RNGTT: variants seen among roughly 807,000 people sequenced by gnomAD.
The protein encoded by RNGTT is RNA guanylyltransferase and 5'-phosphatase.
A neutral mutation model predicts 79.3 loss-of-function variants in RNGTT; 33 were observed. The observed-to-expected ratio is 0.42, with a 90% CI of 0.32 to 0.56. The LOEUF (loss-of-function observed/expected upper bound fraction) is 0.56, where lower values mean the gene tolerates loss of function less well. Among genes scored for constraint, RNGTT ranks in the 20% least tolerant of loss-of-function variants. RNGTT has a pLI of 0.17. For missense variants in RNGTT, 497 were observed against 739.1 expected, an observed-to-expected ratio of 0.67 and a Z score of 3.80; for synonymous variants, 222 against 235.9, an observed-to-expected ratio of 0.94 and a Z score of 0.54.
intron 13 of RNGTT, among the ~76,000 whole-genome samples, chr6:88,723,150 C>T (rs1047670851): frequency 3.9e-5 from 6 of 152,168 alleles, no homozygotes; most frequent in Non-Finnish European, 5.9e-5. Context: ...TTCAGTTCCA[C>T]GTGTGTTACT....
At chr6:88,948,565 G>T (rs1211570267) in intron 1 of RNGTT, among the ~76,000 whole-genome samples, 15 of 148,954 alleles carry the variant, frequency 1.0e-4, no homozygotes, top group Admixed American at 8.6e-4. Flanking sequence ...CCCCTACTGG[G>T]AAGTGAGTAG....
intron 8 of RNGTT, among the ~76,000 whole-genome samples, chr6:88,888,038 G>T (rs932453632): frequency 6.6e-6 from 1 of 152,032 alleles, no homozygotes; most frequent in Non-Finnish European, 1.5e-5. Context: ...AATGACTTGA[G>T]CCCAGGAGGT....
At chr6:88,906,338 T>C in intron 5 of RNGTT, 27 bp downstream of exon 5, 1 of 1,428,758 alleles carries the variant, frequency 7.0e-7, no homozygotes. Context: ...ACAAAATACA[T>C]CTTCCATTAT....
intron 11 of RNGTT, among the ~76,000 whole-genome samples, chr6:88,827,024 A>T (rs1466397148): frequency 6.6e-6 from 1 of 151,910 alleles, no homozygotes; most frequent in Non-Finnish European, 1.5e-5. Context: ...AAACCTACTA[A>T]GTCAGACAAT....
intron 11 of RNGTT, among the ~76,000 whole-genome samples, chr6:88,838,512 A>G (rs1180075276): frequency 6.6e-6 from 1 of 152,180 alleles, no homozygotes; most frequent in Non-Finnish European, 1.5e-5. Flanking sequence ...TTTTACAAAG[A>G]CTTTTATGAC....
At chr6:88,777,955 G>A (rs1026454302) in intron 12 of RNGTT, among the ~76,000 whole-genome samples, 4 of 152,130 alleles carry the variant, frequency 2.6e-5, no homozygotes, top group African/African-American at 4.8e-5. Flanking sequence ...TTTGTGTTGA[G>A]AAAATTTTCT....
intron 11 of RNGTT, among the ~76,000 whole-genome samples, chr6:88,827,666 G>A (rs917522416): frequency 6.6e-6 from 1 of 152,180 alleles, no homozygotes; most frequent in Admixed American, 6.5e-5. Context: ...TGGCAGTACA[G>A]CAGTCTGAAG....
intron 13 of RNGTT, among the ~76,000 whole-genome samples, chr6:88,753,572 G>A (rs1372841719): frequency 6.6e-6 from 1 of 151,276 alleles, no homozygotes; most frequent in Non-Finnish European, 1.5e-5. Context: ...AATAAAGCTG[G>A]GTATGAAATG....
At chr6:88,701,776 G>A (rs1775954572) in intron 13 of RNGTT, among the ~76,000 whole-genome samples, 3 of 151,996 alleles carry the variant, frequency 2.0e-5, no homozygotes, top group African/African-American at 7.2e-5. Context: ...AAGTACAACT[G>A]GTAATCAAAC....
chr6:88,912,490 A>G (rs1783858573), intron 4 of RNGTT, among the ~76,000 whole-genome samples: 1 of 152,182 alleles, frequency 6.6e-6, no homozygotes, highest in South Asian at 2.1e-4. Flanking sequence ...ACAAAAACAA[A>G]CAAATCCCAA....
intron 14 of RNGTT, among the ~76,000 whole-genome samples, chr6:88,655,947 T>C (rs2756385): frequency 0.27 from 40,315 of 152,110 alleles, 9,329 homozygotes; most frequent in African/African-American, 0.63. Flanking sequence ...GAATTAGCAT[T>C]AAGATTTTTA....
chr6:88,717,867 T>C (rs1339112026), intron 13 of RNGTT, among the ~76,000 whole-genome samples: 2 of 152,186 alleles, frequency 1.3e-5, no homozygotes, highest in South Asian at 2.1e-4. Context: ...CCATCCTCTG[T>C]AGGCTGTAAA....
At chr6:88,677,879 A>T (rs1189728633) in intron 14 of RNGTT, 1 of 152,682 alleles carries the variant, frequency 6.5e-6, no homozygotes, top group East Asian at 1.9e-4. Flanking sequence ...AGTCAATTTT[A>T]CTATGGCAAG....
chr6:88,783,196 G>A (rs1311461708), intron 12 of RNGTT, among the ~76,000 whole-genome samples: 1 of 152,128 alleles, frequency 6.6e-6, no homozygotes, highest in Admixed American at 6.5e-5. Context: ...ACATATAACA[G>A]AATATTATTC....
At chr6:88,715,319 T>C (rs1161304827) in intron 13 of RNGTT, among the ~76,000 whole-genome samples, 1 of 151,950 alleles carries the variant, frequency 6.6e-6, no homozygotes, top group African/African-American at 2.4e-5. Context: ...TAAAAGAGGA[T>C]ACAAACAAAT....
chr6:88,633,010 T>C (rs1772961651), intron 14 of RNGTT, among the ~76,000 whole-genome samples: 1 of 152,250 alleles, frequency 6.6e-6, no homozygotes, highest in South Asian at 2.1e-4. Context: ...GTCCTTCTGG[T>C]ATAACATTGC....
At chr6:88,703,925 G>A (rs1159365223) in intron 13 of RNGTT, among the ~76,000 whole-genome samples, 1 of 152,032 alleles carries the variant, frequency 6.6e-6, no homozygotes, top group African/African-American at 2.4e-5. Flanking sequence ...GTTGTACATA[G>A]GCAAACTTGC....
chr6:88,668,018 C>A (rs1451799632), intron 14 of RNGTT, among the ~76,000 whole-genome samples: 2 of 152,166 alleles, frequency 1.3e-5, no homozygotes, highest in Non-Finnish European at 2.9e-5. Context: ...TCCTCAGGAG[C>A]TAGGAGAAAT....
chr6:88,855,793 C>A (rs1053312116), intron 8 of RNGTT, among the ~76,000 whole-genome samples: 6 of 152,158 alleles, frequency 3.9e-5, no homozygotes, highest in African/African-American at 1.2e-4. Flanking sequence ...ATACTTAGTT[C>A]GCAAGACCCT....
Sources: allele counts gnomAD v4.1 joint callset (sites outside exome capture counted in the v4.1 genomes callset), GRCh38; gene constraint gnomAD v4.1.1; transcripts MANE v1.5; gene names NCBI Gene and HGNC (gene_info 2026-07-23, HGNC 2026-07-21).